The following CDK12 variants were observed in gnomAD, a reference collection of about 807,000 sequenced individuals.
CDK12 encodes cyclin dependent kinase 12.
CDK12 carries 17 observed loss-of-function variants against 133.8 expected under a neutral mutation model. The observed-to-expected ratio is 0.13, with a 90% confidence interval of 0.09 to 0.19. CDK12 has a LOEUF of 0.19. Ranked by LOEUF, CDK12 falls within the 10% of genes least tolerant of loss-of-function variation. CDK12 has a pLI of 1.00. For synonymous variants in CDK12, 694 were observed against 683.6 expected (o/e 1.02, Z -0.24); for missense variants, 1,508 against 1,818.7 (o/e 0.83, Z 3.11).
intron 1 of CDK12, among the ~76,000 whole-genome samples, chr17:39,541,227 G>A (rs2055396786): frequency 6.6e-6 from 1 of 151,550 alleles, no homozygotes; most frequent in African/African-American, 2.4e-5. Context: ...TCTGGGGGGT[G>A]GGGAGGTATG....
intron 5 of CDK12, among the ~76,000 whole-genome samples, chr17:39,500,201 T>C (rs2146109937): frequency 6.6e-6 from 1 of 151,914 alleles, no homozygotes; most frequent in East Asian, 1.9e-4. Flanking sequence ...TGTGGTGGCC[T>C]GTGCCTGTAT....
intron 11 of CDK12, among the ~76,000 whole-genome samples, chr17:39,523,001 C>T (rs1001821760): frequency 6.6e-5 from 10 of 151,386 alleles, no homozygotes; most frequent in South Asian, 6.3e-4. Flanking sequence ...TGCAGTGAGC[C>T]GAGATTGTGC....
chr17:39,482,250 G>A (rs1424090521), intron 2 of CDK12, among the ~76,000 whole-genome samples: 1 of 151,868 alleles, frequency 6.6e-6, no homozygotes, highest in African/African-American at 2.4e-5. Flanking sequence ...GACCTCAGGT[G>A]ATCCACCCGC....
Position 39,471,445 on chromosome 17 carries a change from C to G in CDK12, c.1613C>G (p.Pro538Arg). Residue 538 changes from proline to arginine, a missense_variant, in exon 2 of 14, where the codon CCT becomes CGT. By Grantham distance (103) the Pro-to-Arg change is moderately radical. Around this residue, in one of 9 missense-constraint regions of CDK12, gnomAD observed 347 missense variants for 330.8 expected, o/e 1.05. Transcript: ENST00000447079. ...CCCACAATTGCTTCTCCCCCACCCCCTCTACCAACTACTACCCCTCCACCT... is the reference window on the plus strand; with the variant it reads ...CCCACAATTGCTTCTCCCCCACCCCGTCTACCAACTACTACCCCTCCACCT... The part of the protein sequence containing the change: ...PLPTIASPPP[P>R]LPTTTPPPQT... The G allele has an allele frequency of 1.9e-6, 3 of 1,613,290 alleles. No homozygotes were observed. In the South Asian group the frequency reaches 3.3e-5, roughly 18 times the overall value.
exon 2 of CDK12, chr17:39,551,087 G>A (rs959268016): frequency 6.6e-6 from 1 of 152,084 alleles, no homozygotes; most frequent in Admixed American, 6.6e-5. Flanking sequence ...TCCTGTCCTG[G>A]TATTGCTTTG....
chr17:39,514,240 A>G (rs186339841), intron 8 of CDK12, among the ~76,000 whole-genome samples: 3 of 152,194 alleles, frequency 2.0e-5, no homozygotes. Flanking sequence ...GGTTTGAGAG[A>G]ATATAGGAAG....
At chr17:39,491,525 C>T (rs575948389) in intron 3 of CDK12, among the ~76,000 whole-genome samples, 142 of 152,166 alleles carry the variant, frequency 9.3e-4, no homozygotes, top group African/African-American at 3.2e-3. Context: ...CGTGAGCCAC[C>T]GCGTCCGGCC....
chr17:39,500,370 C>T lies in CDK12; in HGVS notation c.2420-880C>T, dbSNP rs143910755. On this transcript the variant is annotated intron_variant, in intron 5 of 13. Transcript: ENST00000447079. ...GAAAAAGGCTGGGCGCGGTGGCTGACGCCTGTAATCCCAACACTTTGGGAA... is the reference window on the plus strand; with the variant it reads ...GAAAAAGGCTGGGCGCGGTGGCTGATGCCTGTAATCCCAACACTTTGGGAA... 1.9e-3 allele frequency among the ~76,000 whole-genome samples: 281 copies of T among 151,576 alleles called. 2 individuals are homozygous for T. The highest frequency in any genetic ancestry group is 2.5e-3 in the Non-Finnish European group (173 of 67,908).
At chr17:39,488,014 G>A (rs1446844955) in intron 2 of CDK12, among the ~76,000 whole-genome samples, 2 of 152,028 alleles carry the variant, frequency 1.3e-5, no homozygotes, top group East Asian at 3.9e-4. Context: ...AGCATCACTT[G>A]GGGAGGTCCA....
In CDK12 at chr17:39,519,931, G is replaced by T. The variant is rs1184828843; in HGVS notation, c.2964-25G>T. Reference sequence around the variant, plus strand: ...AGAACTGTAGGGTCATTGTGAACTTGTCCTTTCTGTGTTCTTTTCCATAGC... The same window carrying T: ...AGAACTGTAGGGTCATTGTGAACTTTTCCTTTCTGTGTTCTTTTCCATAGC... On this transcript the variant is annotated intron_variant, in intron 10 of 13. Coordinates refer to ENST00000447079, the MANE Select transcript of CDK12 (RefSeq NM_016507.4). 3 of 1,613,248 alleles carry T rather than the reference G, an allele frequency of 1.9e-6. No homozygotes were observed. The East Asian group carries it at 6.7e-5, about 36-fold the overall frequency.
chr17:39,477,858 C>A (rs1372954541), intron 2 of CDK12, among the ~76,000 whole-genome samples: 1 of 152,008 alleles, frequency 6.6e-6, no homozygotes, highest in Non-Finnish European at 1.5e-5. Context: ...CAGGCGTGAG[C>A]CACTGCACCC....
intron 11 of CDK12, among the ~76,000 whole-genome samples, chr17:39,522,621 A>G (rs531372747): frequency 2.2e-3 from 328 of 151,924 alleles, no homozygotes; most frequent in Non-Finnish European, 3.9e-3. Flanking sequence ...TTTAGTAGAG[A>G]TGAGGTTTCA....
At chr17:39,466,490 T>TTGGGAGGCTACTTGG in intron 1 of CDK12, among the ~76,000 whole-genome samples, 1 of 150,740 alleles carries the variant, frequency 6.6e-6, no homozygotes, top group African/African-American at 2.4e-5. Flanking sequence ...GTCACATGCC[T>TTGGGAGGCTACTTGG]GTAATCCCAG....
Position 39,531,279 on chromosome 17 carries a change from C to T in CDK12, c.4436C>T (p.Pro1479Leu), listed in dbSNP as rs751141019. The T allele has an allele frequency of 7.1e-5, 107 of 1,498,954 alleles. No homozygotes were observed. Among genetic ancestry groups the T allele is most frequent in the Non-Finnish European group, 9.5e-5 (107 of 1,127,590 alleles). The allele number at this position is 1,498,954 out of a possible 1,614,324, so 92.9% of individuals were successfully genotyped here. A position where few individuals can be genotyped will look rare whatever the true frequency, so the allele number is the denominator to read the frequency against. The change falls in exon 14 of 14, where the codon CCA (proline) becomes CTA (leucine). Residue 1479 changes from proline to leucine, a missense_variant. Physicochemically the swap from Pro to Leu is moderately conservative, Grantham distance 98 (BLOSUM62 -3). Coordinates refer to ENST00000447079, the MANE Select transcript of CDK12 (RefSeq NM_016507.4). Reference protein sequence around the residue: ...GKLYRGPTRVPPRGGRGRGVP... With the variant: ...GKLYRGPTRVLPRGGRGRGVP... ...CTCTATCGGGGGCCTACAAGAGTCC[C>T]ACCAAGAGGGGGAAGAGGGAGAGGA...
intron 2 of CDK12, among the ~76,000 whole-genome samples, chr17:39,486,371 T>TC (rs1489565662): frequency 6.6e-6 from 1 of 150,438 alleles, no homozygotes; most frequent in Non-Finnish European, 1.5e-5. Flanking sequence ...GCTCAAGTGA[T>TC]CCTCTCGCTT....
At chr17:39,475,185 G>A (rs1041920110) in intron 2 of CDK12, among the ~76,000 whole-genome samples, 1 of 152,020 alleles carries the variant, frequency 6.6e-6, no homozygotes, top group Non-Finnish European at 1.5e-5. Context: ...AACATTAATA[G>A]GTATTTATGG....
At chr17:39,556,656 C>G (rs1309137835) in intron 3 of CDK12, among the ~76,000 whole-genome samples, 1 of 152,118 alleles carries the variant, frequency 6.6e-6, no homozygotes, top group Non-Finnish European at 1.5e-5. Flanking sequence ...AGCCCAACCC[C>G]CTCCCTGCCA....
rs1555553398 is a variant in CDK12 at position 39,476,711 on chromosome 17, C to CATTT, written c.1931+4948_1931+4949insATTT. 4.3e-3 allele frequency among the ~76,000 whole-genome samples: 361 copies of CATTT among 84,508 alleles called. 68 individuals carry two copies. Among genetic ancestry groups the CATTT allele is most frequent in the African/African-American group, 0.011 (185 of 17,548 alleles). 55.4% of individuals were successfully genotyped at this position (84,508 alleles called of 152,430 possible). Reference sequence around the variant, plus strand: ...TACAGGCATGAGCCACCATGCCTGCCTTTTTTTTTTTTTTTTTTTTTTTTT... The same window carrying CATTT: ...TACAGGCATGAGCCACCATGCCTGCCATTTTTTTTTTTTTTTTTTTTTTTTTTTT... On this transcript the variant is annotated intron_variant, in intron 2 of 13. Transcript: ENST00000447079.
intron 9 of CDK12, among the ~76,000 whole-genome samples, chr17:39,516,199 CAG>C (rs1238330839): frequency 1.3e-5 from 2 of 151,986 alleles, no homozygotes; most frequent in African/African-American, 4.8e-5. Flanking sequence ...TCAAAGAATT[CAG>C]AGTTTAGTAA....
Sources: gnomAD v4.1 joint callset for allele counts (sites outside exome capture counted in the v4.1 genomes callset) on GRCh38, gnomAD v4.1.1 for gene constraint, gnomAD v4.1.1 regional missense constraint, MANE v1.5 for transcripts, NCBI Gene and HGNC (gene_info 2026-07-23, HGNC 2026-07-21) for gene names.